The following FOXJ3 variants were observed in gnomAD, a reference collection of about 807,000 sequenced individuals.
FOXJ3 encodes the protein forkhead box J3.
In FOXJ3, 22 loss-of-function variants were observed where a neutral mutation model predicts 76.1. The ratio of observed to expected loss-of-function variants is 0.29; its 90% CI spans 0.21 to 0.41. The LOEUF (loss-of-function observed/expected upper bound fraction) is 0.41. FOXJ3 is among the 10% of genes least tolerant of loss of function. The probability of loss-of-function intolerance (pLI) is 1.00; values close to 1 mark genes in which losing one functional copy is unlikely to be tolerated. For missense variants in FOXJ3, 613 were observed against 762.1 expected (o/e 0.80, Z 2.30); for synonymous variants, 269 against 261.2 (o/e 1.03, Z -0.29).
intron 2 of FOXJ3, among the ~76,000 whole-genome samples, chr1:42,285,699 T>C (rs1311947385): frequency 1.4e-5 from 2 of 138,616 alleles, no homozygotes; most frequent in Non-Finnish European, 3.3e-5. Context: ...TAAAGGACAA[T>C]GAAAATCTTC....
At chr1:42,215,546 A>G (rs987462372) in intron 5 of FOXJ3, among the ~76,000 whole-genome samples, 2 of 152,194 alleles carry the variant, frequency 1.3e-5, no homozygotes, top group African/African-American at 4.8e-5. Context: ...AGAAAAAAAT[A>G]GAAGAAATAA....
intron 4 of FOXJ3, among the ~76,000 whole-genome samples, chr1:42,230,720 A>G (rs1648013625): frequency 6.6e-6 from 1 of 152,206 alleles, no homozygotes; most frequent in Non-Finnish European, 1.5e-5. Flanking sequence ...ATTGGCAAGC[A>G]CATAGAGAAA....
intron 1 of FOXJ3, among the ~76,000 whole-genome samples, chr1:42,329,923 G>A (rs757583004): frequency 2.6e-5 from 4 of 152,082 alleles, no homozygotes; most frequent in Non-Finnish European, 4.4e-5. Flanking sequence ...TAGTGATTAA[G>A]AGCCACAGAG....
In FOXJ3 at chr1:42,211,517, G is replaced by A. The variant is rs536601707; in HGVS notation, c.529-5654C>T. 2.0e-5 allele frequency among the ~76,000 whole-genome samples: 3 copies of A among 151,020 alleles called. No homozygotes were observed. The South Asian group carries it at 6.3e-4, about 32-fold the overall frequency. ...GAGCTTCCCTAGCAACCTCTGCCAAGGCTGGGAACTTTGCCCACCACTGGG... is the reference window on the plus strand; with the variant it reads ...GAGCTTCCCTAGCAACCTCTGCCAAAGCTGGGAACTTTGCCCACCACTGGG... On this transcript the variant is annotated intron_variant, in intron 5 of 12. Transcript: ENST00000361346.
At chr1:42,226,422 G>A (rs1389030590) in intron 5 of FOXJ3, among the ~76,000 whole-genome samples, 1 of 152,150 alleles carries the variant, frequency 6.6e-6, no homozygotes, top group Non-Finnish European at 1.5e-5. Context: ...AACAAGCCTG[G>A]CCAACATGGC....
At chr1:42,232,576 T>G (rs1463833749) in intron 4 of FOXJ3, among the ~76,000 whole-genome samples, 6 of 150,540 alleles carry the variant, frequency 4.0e-5, no homozygotes, top group Admixed American at 3.3e-4. Flanking sequence ...TCATGTGTCT[T>G]TTGGCTGCAT....
chr1:42,181,468 T>A (rs536356812), intron 12 of FOXJ3, among the ~76,000 whole-genome samples: 2 of 152,258 alleles, frequency 1.3e-5, no homozygotes, highest in East Asian at 3.9e-4. Flanking sequence ...ATAAAGTAGG[T>A]TCCTAAAACC....
At chr1:42,286,715 C>T (rs1037733564) in intron 2 of FOXJ3, among the ~76,000 whole-genome samples, 24 of 152,106 alleles carry the variant, frequency 1.6e-4, no homozygotes, top group African/African-American at 5.1e-4. Context: ...CTCACTGCAA[C>T]CTCCACCTCC....
rs75471981 is a variant in FOXJ3, at chr1:42,181,693, G to T, written c.1753+224C>A. Among the ~76,000 whole-genome samples, 835 of 152,336 alleles carry T rather than the reference G, an allele frequency of 5.5e-3. 14 individuals are homozygous for T. The highest frequency in any genetic ancestry group is 0.019 in the African/African-American group (809 of 41,572). ...GTCCCCTAGCCCCTCTTAACAGGGA[G>T]TTCACTCCTTGAGGCAGCCTCATTC... On this transcript the variant is annotated intron_variant, in intron 12 of 12. Coordinates refer to ENST00000361346, the MANE Select transcript of FOXJ3 (RefSeq NM_014947.5).
Position 42,278,571 on chromosome 1 carries a change from T to A in FOXJ3, c.146A>T (p.His49Leu), listed in dbSNP as rs753816620. ...ATTCTTCTTAGAAATTCCTGTTCCATGTGCATTTTGTGTAGCATCAGATTT... is the reference window on the plus strand; with the variant it reads ...ATTCTTCTTAGAAATTCCTGTTCCAAGTGCATTTTGTGTAGCATCAGATTT... The part of the protein sequence containing the change: ...IQKSDATQNA[H>L]GTGISKKNAL... The change falls in exon 3 of 13, where the codon CAT becomes CTT. Residue 49 changes from histidine to leucine, a missense_variant. Around this residue, in one of 3 missense-constraint regions of FOXJ3, gnomAD observed 77 missense variants for 115.1 expected, o/e 0.67. Coordinates refer to ENST00000361346, the MANE Select transcript of FOXJ3 (RefSeq NM_014947.5). 6 of 1,614,066 alleles carry A rather than the reference T, an allele frequency of 3.7e-6. No homozygotes were observed. The highest frequency in any genetic ancestry group is 5.1e-6 in the Non-Finnish European group (6 of 1,180,024).
At chr1:42,236,153 G>A (rs1648612085) in intron 4 of FOXJ3, among the ~76,000 whole-genome samples, 1 of 152,232 alleles carries the variant, frequency 6.6e-6, no homozygotes, top group African/African-American at 2.4e-5. Flanking sequence ...GTAGGAAACA[G>A]GAGGTTTTTG....
intron 2 of FOXJ3, among the ~76,000 whole-genome samples, chr1:42,292,032 C>T (rs1653470371): frequency 6.6e-6 from 1 of 151,416 alleles, no homozygotes; most frequent in South Asian, 2.1e-4. Context: ...GGATGGGACC[C>T]TGAGGAGGGG....
chr1:42,292,736 GTGTA>G (rs775968511), intron 2 of FOXJ3, among the ~76,000 whole-genome samples: 6 of 152,192 alleles, frequency 3.9e-5, no homozygotes, highest in Non-Finnish European at 8.8e-5. Flanking sequence ...TGATTTATGT[GTGTA>G]TGTATTTGTC....
At position 42,179,771 on chromosome 1, in the gene FOXJ3, A is replaced by T; in HGVS notation, c.1808T>A (p.Met603Lys). 3.1e-6 allele frequency: 5 copies of T among 1,614,108 alleles called. No individual in the cohort carries two copies. The highest frequency in any genetic ancestry group is 4.2e-6 in the Non-Finnish European group (5 of 1,179,978). ...GTCATCTGGAGGCAGGGAACGCCGC[A>T]TCTGGAAGGCTTGGGAAGGCATCAT... ...QHMMPSQAFQ[M>K]RRSLPPDDIQ... The change falls in exon 13 of 13, where the codon ATG (methionine) becomes AAG (lysine). Residue 603 changes from methionine (M) to lysine (K), a missense_variant. Met to Lys is a moderately conservative substitution (Grantham distance 95). Coordinates refer to ENST00000361346, the MANE Select transcript of FOXJ3 (RefSeq NM_014947.5).
chr1:42,248,569 T>C (rs1255230045), intron 4 of FOXJ3, among the ~76,000 whole-genome samples: 1 of 150,598 alleles, frequency 6.6e-6, no homozygotes, highest in African/African-American at 2.4e-5. Context: ...ATTTATGGTA[T>C]GTAAATTTTT....
intron 6 of FOXJ3, among the ~76,000 whole-genome samples, chr1:42,200,790 T>C (rs557641343): frequency 3.0e-4 from 45 of 152,156 alleles, no homozygotes; most frequent in Non-Finnish European, 4.4e-4. Context: ...GCCTTCAATA[T>C]TTCCTTTAGC....
At chr1:42,268,768 G>A (rs1651660647) in intron 3 of FOXJ3, among the ~76,000 whole-genome samples, 2 of 152,272 alleles carry the variant, frequency 1.3e-5, no homozygotes, top group South Asian at 4.1e-4. Flanking sequence ...ACAATCAACT[G>A]AATATCTGCG....
At chr1:42,211,302 TAG>T (rs754517668) in intron 5 of FOXJ3, among the ~76,000 whole-genome samples, 1 of 152,138 alleles carries the variant, frequency 6.6e-6, no homozygotes, top group East Asian at 1.9e-4. Context: ...CCATGAGAGG[TAG>T]AGTCATAATC....
chr1:42,323,657 T>A (rs996836156), intron 1 of FOXJ3: 4 of 968,282 alleles, frequency 4.1e-6, no homozygotes, highest in Middle Eastern at 1.0e-3. Flanking sequence ...ACCCATTTCT[T>A]GCTAAGAGAC....
Sources: allele counts gnomAD v4.1 joint callset (sites outside exome capture counted in the v4.1 genomes callset), GRCh38; gene constraint gnomAD v4.1.1; regional missense constraint gnomAD v4.1.1; transcripts MANE v1.5; gene names NCBI Gene and HGNC (gene_info 2026-07-23, HGNC 2026-07-21).